GALNT16: variants seen among roughly 807,000 people sequenced by gnomAD.
GALNT16 encodes polypeptide N-acetylgalactosaminyltransferase 16.
A neutral mutation model predicts 76.1 loss-of-function variants in GALNT16; 40 were observed. The ratio of observed to expected loss-of-function variants is 0.53; its 90% confidence interval spans 0.41 to 0.68. GALNT16 has a LOEUF of 0.68. GALNT16 is among the 30% of genes least tolerant of loss of function. The probability of loss-of-function intolerance (pLI) is 0.00; values close to 1 mark genes in which losing one functional copy is unlikely to be tolerated. For synonymous variants in GALNT16, 276 were observed against 285.2 expected, an observed-to-expected ratio of 0.97 and a Z score of 0.32; for missense variants, 621 against 731.9, an observed-to-expected ratio of 0.85 and a Z score of 1.75.
At chr14:69,374,050 G>T in the GALNT16 span, among the ~76,000 whole-genome samples, 1 of 152,166 alleles carries the variant, frequency 6.6e-6, no homozygotes, top group Non-Finnish European at 1.5e-5. Context: ...CAATGTGCTG[G>T]GATTACAGGC....
At chr14:69,348,044 G>C in intron 14 of GALNT16, 42 bp downstream of exon 14, 1 of 1,608,096 alleles carries the variant, frequency 6.2e-7, no homozygotes, top group Non-Finnish European at 8.5e-7. Context: ...AGCAGCCCGA[G>C]GGGCCATGCC....
In GALNT16 at chr14:69,324,804, TG is replaced by T; in HGVS notation, c.434+17del. 6.5e-7 allele frequency: 1 copy of T among 1,543,098 alleles called. No individual in the cohort carries two copies. The highest frequency in any genetic ancestry group is 1.2e-5 in the South Asian group (1 of 85,300). ...CACAGTGAAGAGGTAAGTCCAGCCATGGGACTCTCATCTCAGTGGTGCTGGC... is the reference window on the plus strand; with the variant it reads ...CACAGTGAAGAGGTAAGTCCAGCCATGGACTCTCATCTCAGTGGTGCTGGC... On this transcript the variant is annotated intron_variant, in intron 3 of 14. Transcript: ENST00000448469.
At chr14:69,367,730 G>A in the GALNT16 span, among the ~76,000 whole-genome samples, 13 of 147,676 alleles carry the variant, frequency 8.8e-5, no homozygotes, top group African/African-American at 2.5e-4. Context: ...TAATCCTAGC[G>A]CTTTGGGAAG....
the GALNT16 span, among the ~76,000 whole-genome samples, chr14:69,370,875 G>A: frequency 6.6e-6 from 1 of 152,192 alleles, no homozygotes; most frequent in Non-Finnish European, 1.5e-5. Context: ...GGAACAGTGC[G>A]CCAAGTGCAA....
chr14:69,380,637 G>A, the GALNT16 span: 6 of 1,593,760 alleles, frequency 3.8e-6, no homozygotes, highest in South Asian at 6.7e-5. Flanking sequence ...TATCAGCTCG[G>A]TAACTGAGGA....
At position 69,341,665 on chromosome 14, in the gene GALNT16, C is replaced by CAA; in HGVS notation, c.1188-16_1188-15insAA. ...ACACTGGCAGGCCAAAGCCCAAGCC[C>CAA]TGCCTCCTCCTACAGTGTGGCTACG... On this transcript the variant is annotated splice_polypyrimidine_tract_variant and intron_variant, in intron 11 of 14. Transcript: ENST00000448469. 1 of 1,594,300 alleles carries CAA rather than the reference C, an allele frequency of 6.3e-7. No homozygotes were observed.
At chr14:69,328,327 C>A in intron 5 of GALNT16, 123 bp from the exon 6 acceptor site, 3 of 1,009,534 alleles carry the variant, frequency 3.0e-6, no homozygotes, top group South Asian at 1.7e-5. Context: ...AAAGTCAAAT[C>A]TAATCACAAT....
rs780823695 is a variant in GALNT16 at position 69,260,378 on chromosome 14, G to A, written c.88G>A (p.Ala30Thr). 13 of 1,611,156 alleles carry A rather than the reference G, an allele frequency of 8.1e-6. No homozygotes were observed. In the East Asian group the frequency reaches 2.9e-4, roughly 36 times the overall value. ...CTACTACTTATGGCAGGACAACCGA[G>A]CCCACGCAGCATCCTCCGGCGGCCG... ...TFYYLWQDNRAHAASSGGRGA... is the reference protein window; with the variant it reads ...TFYYLWQDNRTHAASSGGRGA... Residue 30 changes from alanine (A) to threonine (T), a missense_variant, in exon 1 of 15, where the codon GCC becomes ACC. Physicochemically the swap from Ala to Thr is moderately conservative, Grantham distance 58 (BLOSUM62 0). Transcript: ENST00000448469.
At chr14:69,324,811 C>G (rs779290005) in intron 3 of GALNT16, 21 bp downstream of exon 3, 12 of 1,500,518 alleles carry the variant, frequency 8.0e-6, no homozygotes, top group South Asian at 1.2e-5. Flanking sequence ...CCATGGGACT[C>G]TCATCTCAGT....
chr14:69,316,780 G>C (rs940309260), intron 1 of GALNT16, among the ~76,000 whole-genome samples: 1 of 126,826 alleles, frequency 7.9e-6, no homozygotes, highest in Non-Finnish European at 1.6e-5. Flanking sequence ...TCTGTGAGGG[G>C]GGGGGGCACT....
At chr14:69,368,868 C>A in the GALNT16 span, among the ~76,000 whole-genome samples, 1 of 152,122 alleles carries the variant, frequency 6.6e-6, no homozygotes, top group Non-Finnish European at 1.5e-5. Flanking sequence ...AAAGAGCTGG[C>A]CTGTGATGGG....
At chr14:69,383,826 G>C in the GALNT16 span, among the ~76,000 whole-genome samples, 10 of 152,228 alleles carry the variant, frequency 6.6e-5, no homozygotes, top group South Asian at 6.2e-4. Context: ...AGTTTAGTAT[G>C]CTAGATATGG....
chr14:69,296,628 G>T (rs2140134594), intron 1 of GALNT16, among the ~76,000 whole-genome samples: 1 of 151,264 alleles, frequency 6.6e-6, no homozygotes, highest in South Asian at 2.1e-4. Context: ...GGGAGGCAGA[G>T]GTTGCAGTGA....
Position 69,324,770 on chromosome 14 carries a change from C to T in GALNT16, c.414C>T (p.Thr138=), listed in dbSNP as rs1240236020. The change falls in exon 3 of 15, where the codon ACC becomes ACT. Residue 138 remains threonine (T), a synonymous_variant. Coordinates refer to ENST00000448469, the MANE Select transcript of GALNT16 (RefSeq NM_001168368.2). Reference sequence around the variant, plus strand: ...CCTTCCACAATGAGGCCCGTTCCACCCTGCTGCGCACAGTGAAGAGGTAAG... The same window carrying T: ...CCTTCCACAATGAGGCCCGTTCCACTCTGCTGCGCACAGTGAAGAGGTAAG... The part of the protein sequence containing the change: ...IITFHNEARS[T]LLRTVKSVLN... The T allele has an allele frequency of 2.5e-6, 4 of 1,611,032 alleles. No individual in the cohort carries two copies. Among genetic ancestry groups the T allele is most frequent in the East Asian group, 2.2e-5 (1 of 44,808 alleles).
chr14:69,330,954 A>G (rs2140177985), intron 6 of GALNT16, among the ~76,000 whole-genome samples: 1 of 152,316 alleles, frequency 6.6e-6, no homozygotes, highest in African/African-American at 2.4e-5. Context: ...CCCAGATTAC[A>G]TGGGGACCTC....
chr14:69,265,402 A>C (rs2185490), intron 1 of GALNT16, among the ~76,000 whole-genome samples: 113,571 of 152,140 alleles, frequency 0.75, 44,069 homozygotes, highest in East Asian at 1. Flanking sequence ...GCTTTCTTCC[A>C]TGGTGGCTGT....
Position 69,333,532 on chromosome 14 carries a change from A to C in GALNT16, c.899A>C (p.Asp300Ala), listed in dbSNP as rs758078129. 17 of 1,611,450 alleles carry C rather than the reference A, an allele frequency of 1.1e-5. No homozygotes were observed. Among genetic ancestry groups the C allele is most frequent in the African/African-American group, 2.7e-5 (2 of 74,772 alleles). ...ATAGCTGGAGGAATCTTCGTGATCG[A>C]CAAGTCCTGGTTTAACCACTTGGGA... Reference protein sequence around the residue: ...PVIAGGIFVIDKSWFNHLGKY... With the variant: ...PVIAGGIFVIAKSWFNHLGKY... The change falls in exon 9 of 15, where the codon GAC becomes GCC. Residue 300 changes from aspartate (D) to alanine (A), a missense_variant. Coordinates refer to ENST00000448469, the MANE Select transcript of GALNT16 (RefSeq NM_001168368.2). The surrounding 1 kb of genome is among the most constrained non-coding windows in gnomAD (Gnocchi z 4.2).
At chr14:69,346,707 C>T (rs2045568968) in intron 12 of GALNT16, among the ~76,000 whole-genome samples, 1 of 152,182 alleles carries the variant, frequency 6.6e-6, no homozygotes. Flanking sequence ...CATTTTGGCC[C>T]CAGGCTCTCC....
intron 6 of GALNT16, among the ~76,000 whole-genome samples, chr14:69,329,222 C>T (rs8005390): frequency 1.3e-5 from 2 of 152,016 alleles, no homozygotes; most frequent in African/African-American, 4.8e-5. Flanking sequence ...CTGGGCATGA[C>T]GGCGGGTGCC....
Sources: allele counts gnomAD v4.1 joint callset (sites outside exome capture counted in the v4.1 genomes callset), GRCh38; gene constraint gnomAD v4.1.1; non-coding constraint Gnocchi (gnomAD v3.1); transcripts MANE v1.5; gene names NCBI Gene and HGNC (gene_info 2026-07-23, HGNC 2026-07-21).